Variants in FRMD3 observed in about 807,000 individuals in gnomAD.
FRMD3 encodes the protein FERM domain-containing protein 3.
A neutral mutation model predicts 70.2 loss-of-function variants in FRMD3; 33 were observed. The observed-to-expected ratio is 0.47, with a 90% CI of 0.36 to 0.63. FRMD3 has a LOEUF of 0.63. FRMD3 is among the 20% of genes least tolerant of loss of function. The pLI, the probability that FRMD3 is intolerant of heterozygous loss-of-function variation, is 0.00. For synonymous variants in FRMD3, 279 were observed against 255.9 expected (o/e 1.09, Z -0.86); for missense variants, 632 against 711.4 (o/e 0.89, Z 1.27).
At chr9:83,308,869 C>T (rs1269043253) in intron 10 of FRMD3, among the ~76,000 whole-genome samples, 1 of 152,098 alleles carries the variant, frequency 6.6e-6, no homozygotes, top group African/African-American at 2.4e-5. Flanking sequence ...CACATCCAAC[C>T]CATACTCAGA....
At chr9:83,378,839 T>A (rs1029720887) in intron 2 of FRMD3, among the ~76,000 whole-genome samples, 1 of 128,206 alleles carries the variant, frequency 7.8e-6, no homozygotes, top group Non-Finnish European at 1.5e-5. Flanking sequence ...ATATATATAC[T>A]ATATATAAAT....
the FRMD3 span, among the ~76,000 whole-genome samples, chr9:83,581,662 T>A: frequency 6.6e-6 from 1 of 152,150 alleles, no homozygotes; most frequent in South Asian, 2.1e-4. Context: ...TGTATACAAA[T>A]GTTCATAGAA....
chr9:83,473,615 TAGAAAC>T (rs977983566), intron 1 of FRMD3, among the ~76,000 whole-genome samples: 77 of 152,280 alleles, frequency 5.1e-4, no homozygotes, highest in African/African-American at 1.8e-3. Flanking sequence ...TTTTCTATCT[TAGAAAC>T]AGAAAGTACA....
intron 2 of FRMD3, among the ~76,000 whole-genome samples, chr9:83,385,444 A>C (rs1825483758): frequency 6.6e-6 from 1 of 152,188 alleles, no homozygotes; most frequent in African/African-American, 2.4e-5. Flanking sequence ...TGGGCCCTGG[A>C]CATCAAAATA....
intron 2 of FRMD3, among the ~76,000 whole-genome samples, chr9:83,380,549 A>G (rs1393492296): frequency 6.6e-6 from 1 of 152,184 alleles, no homozygotes; most frequent in Non-Finnish European, 1.5e-5. Flanking sequence ...AATGGTGCAT[A>G]TCTTTCATAT....
intron 13 of FRMD3, among the ~76,000 whole-genome samples, chr9:83,286,406 A>C (rs1834214427): frequency 6.6e-6 from 1 of 151,522 alleles, no homozygotes; most frequent in Non-Finnish European, 1.5e-5. Context: ...ATCTCAGCTC[A>C]CTGCAACCTC....
chr9:83,523,153 A>AGGATGGATGGAT (rs144992070), intron 1 of FRMD3, among the ~76,000 whole-genome samples: 25 of 149,696 alleles, frequency 1.7e-4, no homozygotes, highest in African/African-American at 4.5e-4. Context: ...GAATGGATGG[A>AGGATGGATGGAT]GGATGGATGG....
intron 1 of FRMD3, among the ~76,000 whole-genome samples, chr9:83,504,396 A>G (rs545316883): frequency 6.6e-6 from 1 of 152,246 alleles, no homozygotes; most frequent in Admixed American, 6.5e-5. Flanking sequence ...GCCATTCTCT[A>G]CCAAAGCTTT....
At position 83,299,141 on chromosome 9, in the gene FRMD3, T is replaced by C. The variant is rs779701415; in HGVS notation, c.972A>G (p.Ile324Met). ...SQIKTVSSSKIFFKGSRFRYS... is the reference protein window; with the variant it reads ...SQIKTVSSSKMFFKGSRFRYS... ...ATCGAAATCTACTTCCTTTAAAAAA[T>C]ATCTTGCTGCTTGATACAGTCTTGA... The change falls in exon 11 of 14, where the codon ATA (isoleucine) becomes ATG (methionine). Residue 324 changes from isoleucine (I) to methionine (M), a missense_variant. By Grantham distance (10) the Ile-to-Met change is conservative. This residue lies in a region of FRMD3 where 418 missense variants were observed against 442.1 expected (regional missense o/e 0.95). Transcript: ENST00000304195. 1.9e-6 allele frequency: 3 copies of C among 1,612,842 alleles called. No homozygotes were observed. Among genetic ancestry groups the C allele is most frequent in the East Asian group, 2.2e-5 (1 of 44,870 alleles).
intron 2 of FRMD3, among the ~76,000 whole-genome samples, chr9:83,378,915 A>T (rs1443166716): frequency 6.8e-6 from 1 of 146,678 alleles, no homozygotes; most frequent in Non-Finnish European, 1.5e-5. Flanking sequence ...TTTAGTACAG[A>T]TGGGGTTTCA....
chr9:83,300,815 C>T (rs1564003371), intron 10 of FRMD3, among the ~76,000 whole-genome samples: 1 of 151,976 alleles, frequency 6.6e-6, no homozygotes, highest in Non-Finnish European at 1.5e-5. Context: ...TACAGATGTA[C>T]GAAGGAGAAT....
intron 1 of FRMD3, among the ~76,000 whole-genome samples, chr9:83,400,487 G>C (rs1825923174): frequency 6.6e-6 from 1 of 152,118 alleles, no homozygotes; most frequent in African/African-American, 2.4e-5. Flanking sequence ...TTATTCTATA[G>C]ATTCAATGCA....
At chr9:83,275,582 C>G (rs547208575) in intron 13 of FRMD3, among the ~76,000 whole-genome samples, 1 of 152,108 alleles carries the variant, frequency 6.6e-6, no homozygotes, top group East Asian at 1.9e-4. Context: ...TAAGGGACCC[C>G]CAACCTCTAA....
chr9:83,531,231 A>G (rs1315547985), intron 1 of FRMD3, among the ~76,000 whole-genome samples: 2 of 152,340 alleles, frequency 1.3e-5, no homozygotes, highest in East Asian at 1.9e-4. Flanking sequence ...ATAATTCAAG[A>G]CTTCTGAATA....
At chr9:83,498,219 A>G (rs1828986305) in intron 1 of FRMD3, among the ~76,000 whole-genome samples, 1 of 152,218 alleles carries the variant, frequency 6.6e-6, no homozygotes, top group African/African-American at 2.4e-5. Flanking sequence ...AATCCTGACT[A>G]GTACACTTGT....
intron 6 of FRMD3, among the ~76,000 whole-genome samples, chr9:83,318,373 T>C (rs1020753280): frequency 1.3e-5 from 2 of 152,210 alleles, no homozygotes; most frequent in African/African-American, 4.8e-5. Flanking sequence ...TTCTGAGTTA[T>C]TTCACTAAGG....
In FRMD3 at chr9:83,296,319, G is replaced by A. The variant is rs79643461; in HGVS notation, c.1070+2429C>T. ...TGTCTCTGGGGAGATTGAGGTCCCCGGGGCAGCACCTTGGACAGATCTCAC... is the reference window on the plus strand; with the variant it reads ...TGTCTCTGGGGAGATTGAGGTCCCCAGGGCAGCACCTTGGACAGATCTCAC... On this transcript the variant is annotated intron_variant, in intron 12 of 13. Transcript: ENST00000304195. Among the ~76,000 whole-genome samples, 1,459 of 152,218 alleles carry A rather than the reference G, an allele frequency of 9.6e-3. 21 individuals are homozygous for A. The highest frequency in any genetic ancestry group is 0.032 in the African/African-American group (1,315 of 41,530).
At chr9:83,377,521 G>A (rs1448458152) in intron 2 of FRMD3, among the ~76,000 whole-genome samples, 1 of 152,144 alleles carries the variant, frequency 6.6e-6, no homozygotes, top group Non-Finnish European at 1.5e-5. Context: ...GATCACAGGA[G>A]CAGATTTCTC....
chr9:83,340,629 A>C (rs1253534374), intron 5 of FRMD3, among the ~76,000 whole-genome samples: 1 of 152,238 alleles, frequency 6.6e-6, no homozygotes, highest in African/African-American at 2.4e-5. Flanking sequence ...TTTACCAAGA[A>C]AGAATATAAA....
Sources: gnomAD v4.1 joint callset for allele counts (sites outside exome capture counted in the v4.1 genomes callset) on GRCh38, gnomAD v4.1.1 for gene constraint, gnomAD v4.1.1 regional missense constraint, MANE v1.5 for transcripts, NCBI Gene and HGNC (gene_info 2026-07-23, HGNC 2026-07-21) for gene names.